The following SULF2 variants were observed in gnomAD, a reference collection of about 807,000 sequenced individuals.
SULF2 encodes extracellular sulfatase Sulf-2.
A neutral mutation model predicts 107.7 loss-of-function variants in SULF2; 52 were observed. That is an observed-to-expected ratio of 0.48 (90% CI 0.39 to 0.61). The LOEUF is 0.61. Ranked by LOEUF, SULF2 falls within the 20% of genes least tolerant of loss-of-function variation. The pLI, the probability that SULF2 is intolerant of heterozygous loss-of-function variation, is 0.00. For missense variants in SULF2, 993 were observed against 1,177.3 expected (o/e 0.84, Z 2.29); for synonymous variants, 460 against 464.3 (o/e 0.99, Z 0.12).
At chr20:47,728,669 A>T (rs778351534) in intron 3 of SULF2, among the ~76,000 whole-genome samples, 5 of 152,082 alleles carry the variant, frequency 3.3e-5, no homozygotes, top group Admixed American at 6.5e-5. Context: ...TTTGAGATAG[A>T]GTCTCATTCT....
intron 17 of SULF2, 120 bp from the exon 18 acceptor site, chr20:47,662,016 A>G (rs1488843008): frequency 1.8e-6 from 2 of 1,085,860 alleles, no homozygotes; most frequent in African/African-American, 1.6e-5. Context: ...GGGGCTGGTG[A>G]CCTGTTTACT....
rs184513731 is a variant in SULF2, at chr20:47,778,810, A to G, written c.-101+6533T>C. On this transcript the variant is annotated intron_variant, in intron 1 of 20. Coordinates refer to ENST00000688720, the MANE Select transcript of SULF2 (RefSeq NM_001387048.1). ...GGGATATGCTAAAAATATTCATCAAATAGATTCATGACAGGCACTAGGGGG... is the reference window on the plus strand; with the variant it reads ...GGGATATGCTAAAAATATTCATCAAGTAGATTCATGACAGGCACTAGGGGG... 4.2e-3 allele frequency among the ~76,000 whole-genome samples: 645 copies of G among 152,316 alleles called. 2 individuals carry two copies. Among genetic ancestry groups the G allele is most frequent in the African/African-American group, 0.015 (615 of 41,574 alleles).
intron 6 of SULF2, among the ~76,000 whole-genome samples, 197 bp from the exon 7 acceptor site, chr20:47,683,366 C>A (rs1034278127): frequency 6.6e-6 from 1 of 152,224 alleles, no homozygotes; most frequent in Non-Finnish European, 1.5e-5. Flanking sequence ...CTCCCCTCCA[C>A]GGTTCTTCAT....
In SULF2 at chr20:47,682,883, A is replaced by G. The variant is rs111963447; in HGVS notation, c.1064+111T>C. On this transcript the variant is annotated intron_variant, in intron 7 of 20. Coordinates refer to ENST00000688720, the MANE Select transcript of SULF2 (RefSeq NM_001387048.1). The stretch of plus-strand genomic sequence containing the variant: ...TTGCTTTCCGCTGGCCCTGGGGTAC[A>G]TCTGCGAAAACTGTGTGCCACCCAG... 1,489 of 1,099,172 alleles carry G rather than the reference A, an allele frequency of 1.4e-3. 14 individuals carry two copies. The African/African-American group carries it at 0.02, about 14-fold the overall frequency. The allele number at this position is 1,099,172 out of a possible 1,614,324, so 68.1% of individuals were successfully genotyped here.
intron 2 of SULF2, among the ~76,000 whole-genome samples, chr20:47,737,986 C>T (rs1035263575): frequency 4.6e-5 from 7 of 152,006 alleles, no homozygotes; most frequent in South Asian, 2.1e-4. Flanking sequence ...TCAAGTGATC[C>T]GCCTGCCTCT....
In SULF2 at chr20:47,765,360, AC is replaced by A. The variant is rs1405724192; in HGVS notation, c.-100-7898del. ...CAGAGCGACACTGCCTTAAAAAAAA[AC>A]AAAACAAAACAAAAAAAAAAAAACA... On this transcript the variant is annotated intron_variant, in intron 1 of 20. Coordinates refer to ENST00000688720, the MANE Select transcript of SULF2 (RefSeq NM_001387048.1). Among the ~76,000 whole-genome samples the A allele has an allele frequency of 1.1e-4, 11 of 97,046 alleles. No homozygotes were observed. The South Asian group carries it at 4.5e-3, about 40-fold the overall frequency. 63.7% of individuals were successfully genotyped at this position (97,046 alleles called of 152,430 possible).
Position 47,666,497 on chromosome 20 carries a change from A to G in SULF2, c.1577-9T>C, listed in dbSNP as rs1045003407. On this transcript the variant is annotated splice_polypyrimidine_tract_variant and intron_variant, in intron 11 of 20. Coordinates refer to ENST00000688720, the MANE Select transcript of SULF2 (RefSeq NM_001387048.1). The surrounding 1 kb of genome is among the most constrained non-coding windows in gnomAD (Gnocchi z 5.4). ...ATAGCTGGCCTTGTACTCTGTGGGCATTAGAGGAGTGGCAGAGTTAGGGAG... is the reference window on the plus strand; with the variant it reads ...ATAGCTGGCCTTGTACTCTGTGGGCGTTAGAGGAGTGGCAGAGTTAGGGAG... 2 of 1,606,992 alleles carry G rather than the reference A, an allele frequency of 1.2e-6. No homozygotes were observed. The highest frequency in any genetic ancestry group is 1.3e-5 in the African/African-American group (1 of 74,956).
At chr20:47,659,757 A>T in intron 18 of SULF2, 27 bp from the exon 19 acceptor site, 1 of 1,606,118 alleles carries the variant, frequency 6.2e-7, no homozygotes, top group Non-Finnish European at 8.5e-7. Flanking sequence ...TGAAAAACAA[A>T]ACAGGAGCAG....
chr20:47,673,109 C>T (rs1293235598), intron 10 of SULF2, among the ~76,000 whole-genome samples: 4 of 152,212 alleles, frequency 2.6e-5, no homozygotes, highest in Non-Finnish European at 5.9e-5. Flanking sequence ...GTTGATCCTT[C>T]TGCTCTTCCC....
At chr20:47,737,121 C>T (rs776338813) in intron 2 of SULF2, among the ~76,000 whole-genome samples, 179 bp from the exon 3 acceptor site, 2 of 152,132 alleles carry the variant, frequency 1.3e-5, no homozygotes, top group African/African-American at 4.8e-5. Flanking sequence ...TCAGGAAGGA[C>T]CCTGGGTCCC....
chr20:47,677,022 C>T (rs1265085792), intron 9 of SULF2, 56 bp downstream of exon 9: 2 of 1,593,852 alleles, frequency 1.3e-6, no homozygotes, highest in African/African-American at 2.7e-5. Context: ...ACAGAAGCTT[C>T]CTGGGCAGAG....
chr20:47,661,085 A>G (rs1447603221), intron 18 of SULF2, among the ~76,000 whole-genome samples: 1 of 151,890 alleles, frequency 6.6e-6, no homozygotes, highest in African/African-American at 2.4e-5. Flanking sequence ...TTCCTGATAC[A>G]CCACAAATGA....
At chr20:47,707,779 ACTTT>A (rs1308606676) in intron 3 of SULF2, among the ~76,000 whole-genome samples, 1 of 152,142 alleles carries the variant, frequency 6.6e-6, no homozygotes, top group Non-Finnish European at 1.5e-5. Flanking sequence ...ATAAAAAATC[ACTTT>A]CTTTATACCA....
At chr20:47,758,059 T>C (rs2090335067) in intron 1 of SULF2, among the ~76,000 whole-genome samples, 1 of 151,870 alleles carries the variant, frequency 6.6e-6, no homozygotes, top group South Asian at 2.1e-4. Flanking sequence ...GGTTTCCCCA[T>C]GAACAAAATG....
chr20:47,760,332 CGT>C (rs1307796705), intron 1 of SULF2, among the ~76,000 whole-genome samples: 1 of 152,150 alleles, frequency 6.6e-6, no homozygotes, highest in Non-Finnish European at 1.5e-5. Context: ...GTGGGAAGTC[CGT>C]GCATTTATTC....
chr20:47,686,300 A>G (rs1336804871), intron 5 of SULF2: 5 of 152,230 alleles, frequency 3.3e-5, no homozygotes, highest in Non-Finnish European at 7.3e-5. Flanking sequence ...ACCAGAGGAA[A>G]CATTGTGAGC....
At chr20:47,784,957 C>T (rs2090896556) in intron 1 of SULF2, among the ~76,000 whole-genome samples, 1 of 152,150 alleles carries the variant, frequency 6.6e-6, no homozygotes, top group African/African-American at 2.4e-5. Context: ...TCTACCGGTC[C>T]CTTGGGTCTA....
At chr20:47,751,329 T>C (rs1039727658) in intron 2 of SULF2, among the ~76,000 whole-genome samples, 1 of 152,224 alleles carries the variant, frequency 6.6e-6, no homozygotes, top group African/African-American at 2.4e-5. Context: ...CCAGTCCTCA[T>C]GGTTCAAGTG....
At chr20:47,729,954 C>T (rs529174026) in intron 3 of SULF2, among the ~76,000 whole-genome samples, 60 of 152,344 alleles carry the variant, frequency 3.9e-4, no homozygotes, top group Non-Finnish European at 7.5e-4. Flanking sequence ...TGCCAAAATG[C>T]CTAGCGGGCG....
Sources: gnomAD v4.1 joint callset for allele counts (sites outside exome capture counted in the v4.1 genomes callset) on GRCh38, gnomAD v4.1.1 for gene constraint, Gnocchi (gnomAD v3.1) non-coding constraint, MANE v1.5 for transcripts, NCBI Gene and HGNC (gene_info 2026-07-23, HGNC 2026-07-21) for gene names.